DNAH7: variants seen among roughly 807,000 people sequenced by gnomAD.
DNAH7 encodes axonemal beta dynein heavy chain 7.
In DNAH7, 397 loss-of-function variants were observed where a neutral mutation model predicts 444.6. The observed-to-expected ratio is 0.89, with a 90% CI of 0.82 to 0.97. The LOEUF is 0.97. Among genes scored for constraint, DNAH7 ranks in the 50% least tolerant of loss-of-function variants. DNAH7 has a pLI of 0.00. For missense variants in DNAH7, 4,902 were observed against 4,800.8 expected, an observed-to-expected ratio of 1.02 and a Z score of -0.62; for synonymous variants, 1,636 against 1,624.4, an observed-to-expected ratio of 1.01 and a Z score of -0.17.
intron 61 of DNAH7, among the ~76,000 whole-genome samples, chr2:195,758,177 C>T (rs1455310736): frequency 2.6e-5 from 4 of 152,208 alleles, no homozygotes; most frequent in Non-Finnish European, 5.9e-5. Context: ...AGCCAGGTAA[C>T]ACTACATTGA....
At chr2:196,020,522 A>G (rs1354379012) in intron 8 of DNAH7, among the ~76,000 whole-genome samples, 1 of 151,968 alleles carries the variant, frequency 6.6e-6, no homozygotes, top group Non-Finnish European at 1.5e-5. Context: ...CTTTCCCAGG[A>G]GAAAAGTTGT....
chr2:195,781,633 G>A (rs1410039957), intron 58 of DNAH7, among the ~76,000 whole-genome samples: 3 of 151,538 alleles, frequency 2.0e-5, no homozygotes, highest in Non-Finnish European at 4.4e-5. Context: ...TAGTATTCAT[G>A]GTTATATAAG....
intron 35 of DNAH7, among the ~76,000 whole-genome samples, chr2:195,883,435 G>T (rs1427992721): frequency 1.3e-5 from 2 of 149,436 alleles, no homozygotes; most frequent in African/African-American, 5.1e-5. Flanking sequence ...ACAACACAGC[G>T]AGACTCAGTC....
At chr2:196,056,563 G>C (rs1385885403) in intron 2 of DNAH7, among the ~76,000 whole-genome samples, 2 of 152,050 alleles carry the variant, frequency 1.3e-5, no homozygotes, top group Admixed American at 1.3e-4. Context: ...ACATCCCCAG[G>C]AACAATCTTT....
chr2:195,845,022 A>G lies in DNAH7; in HGVS notation c.8925T>C (p.Ile2975=), dbSNP rs1236858107. 2 of 1,613,522 alleles carry G rather than the reference A, an allele frequency of 1.2e-6. No homozygotes were observed. The highest frequency in any genetic ancestry group is 1.7e-6 in the Non-Finnish European group (2 of 1,179,742). Residue 2975 remains isoleucine, a synonymous_variant, in exon 47 of 65, where the codon ATT becomes ATC. Coordinates refer to ENST00000312428, the MANE Select transcript of DNAH7 (RefSeq NM_018897.3). ...IAGLPSDSFS[I]DNGIIIMNAR... Reference sequence around the variant, plus strand: ...CTTACATTATGATTATCCCATTATCAATGGAAAATGAGTCAGAAGGTAATC... The same window carrying G: ...CTTACATTATGATTATCCCATTATCGATGGAAAATGAGTCAGAAGGTAATC...
chr2:195,986,652 T>C (rs1387906362), intron 14 of DNAH7, among the ~76,000 whole-genome samples: 1 of 152,166 alleles, frequency 6.6e-6, no homozygotes, highest in African/African-American at 2.4e-5. Flanking sequence ...AAGAAAAAGT[T>C]ACCATGGCCC....
At chr2:195,923,251 T>C (rs1462952040) in intron 23 of DNAH7, among the ~76,000 whole-genome samples, 1 of 152,118 alleles carries the variant, frequency 6.6e-6, no homozygotes, top group Non-Finnish European at 1.5e-5. Context: ...AAACACAATT[T>C]TAAACTGACT....
At chr2:195,765,197 C>A (rs1694514784) in intron 61 of DNAH7, among the ~76,000 whole-genome samples, 1 of 151,990 alleles carries the variant, frequency 6.6e-6, no homozygotes, top group Non-Finnish European at 1.5e-5. Context: ...AAAGTGAAAC[C>A]AGACCCCCAT....
chr2:195,827,605 A>T (rs1697834734), intron 48 of DNAH7, among the ~76,000 whole-genome samples: 1 of 150,708 alleles, frequency 6.6e-6, no homozygotes, highest in Non-Finnish European at 1.5e-5. Context: ...TTTTTGAGAC[A>T]GCGTCTAGCT....
At chr2:195,932,285 T>G (rs947219037) in intron 21 of DNAH7, among the ~76,000 whole-genome samples, 29 of 152,272 alleles carry the variant, frequency 1.9e-4, no homozygotes, top group Middle Eastern at 3.4e-3. Context: ...CTGAGACTTT[T>G]CTGAAGTTGC....
At chr2:195,948,042 C>T (rs1689939592) in intron 19 of DNAH7, among the ~76,000 whole-genome samples, 2 of 152,084 alleles carry the variant, frequency 1.3e-5, no homozygotes, top group African/African-American at 4.8e-5. Flanking sequence ...CTCTAATGAC[C>T]AGTGATAATG....
chr2:195,975,378 G>A (rs541744295), intron 15 of DNAH7, among the ~76,000 whole-genome samples: 11 of 152,258 alleles, frequency 7.2e-5, no homozygotes, highest in African/African-American at 2.6e-4. Context: ...ACCACTTAGA[G>A]CAGCCCTAGC....
At chr2:195,766,507 TAG>T (rs1326607381) in intron 61 of DNAH7, among the ~76,000 whole-genome samples, 1 of 151,888 alleles carries the variant, frequency 6.6e-6, no homozygotes, top group Non-Finnish European at 1.5e-5. Flanking sequence ...CTTGTGGAGT[TAG>T]AGAGTAGAAT....
intron 19 of DNAH7, among the ~76,000 whole-genome samples, chr2:195,950,842 ACT>A (rs1243420002): frequency 2.1e-5 from 2 of 93,530 alleles, no homozygotes; most frequent in Non-Finnish European, 3.9e-5. Context: ...ACAGAGTGGG[ACT>A]CTGTCTCAAA....
At chr2:195,865,083 A>G (rs1356907683) in intron 40 of DNAH7, 62 bp from the exon 41 acceptor site, 4 of 1,475,000 alleles carry the variant, frequency 2.7e-6, no homozygotes, top group South Asian at 2.8e-5. Flanking sequence ...AAGTGTTATT[A>G]TATCTGTGCT....
chr2:196,026,968 G>GA, intron 6 of DNAH7, 28 bp from the exon 7 acceptor site: 2 of 1,505,388 alleles, frequency 1.3e-6, no homozygotes, highest in Non-Finnish European at 1.8e-6. Context: ...GAAAAATGTA[G>GA]ATGTTTAACA....
In DNAH7 at chr2:195,960,597, T is replaced by C. The variant is rs1310013111; in HGVS notation, c.2554A>G (p.Arg852Gly). 1.2e-6 allele frequency: 2 copies of C among 1,614,212 alleles called. No homozygotes were observed. Among genetic ancestry groups the C allele is most frequent in the East Asian group, 4.5e-5 (2 of 44,884 alleles). The change falls in exon 18 of 65, where the codon AGG becomes GGG. Residue 852 changes from arginine (R) to glycine (G), a missense_variant. By Grantham distance (125) the Arg-to-Gly change is moderately radical (BLOSUM62 -2). Transcript: ENST00000312428. ...QVICNPGLRPRHWEAMSAIVG... is the reference protein window; with the variant it reads ...QVICNPGLRPGHWEAMSAIVG... ...ATGGCAGACATGGCCTCCCAGTGCC[T>C]GGGGCGCAAACCAGGATTACAGATC... is the stretch of plus-strand genomic sequence containing the variant.
In DNAH7 at chr2:195,853,400, G is replaced by A. The variant is rs771229401; in HGVS notation, c.8724C>T (p.Ile2908=). 15 of 1,614,028 alleles carry A rather than the reference G, an allele frequency of 9.3e-6. No individual in the cohort carries two copies. Among genetic ancestry groups the A allele is most frequent in the Non-Finnish European group, 1.3e-5 (15 of 1,179,996 alleles). ...AAGCAACCACTCCGGAGGAAATGAG[G>A]ATATCCCCAGTCAAGTTGATGTACA... ...GQLYINLTGD[I]LISSGVVAYL... Residue 2908 remains isoleucine, a synonymous_variant, in exon 46 of 65, where the codon ATC becomes ATT. Coordinates refer to ENST00000312428, the MANE Select transcript of DNAH7 (RefSeq NM_018897.3).
chr2:195,982,719 C>G (rs1045519096), intron 15 of DNAH7, among the ~76,000 whole-genome samples: 12 of 152,108 alleles, frequency 7.9e-5, no homozygotes, highest in African/African-American at 2.9e-4. Flanking sequence ...CAGCCAGGCA[C>G]AGAAAGACAA....
Sources: allele counts gnomAD v4.1 joint callset (sites outside exome capture counted in the v4.1 genomes callset), GRCh38; gene constraint gnomAD v4.1.1; transcripts MANE v1.5; gene names NCBI Gene and HGNC (gene_info 2026-07-23, HGNC 2026-07-21).